STXBP2: variants seen among roughly 807,000 people sequenced by gnomAD.
The protein encoded by STXBP2 is syntaxin-binding protein 2.
Under a neutral mutation model 72.2 loss-of-function variants are expected in STXBP2, and 47 were observed. The observed-to-expected ratio is 0.65, with a 90% CI of 0.51 to 0.83. The LOEUF (loss-of-function observed/expected upper bound fraction) is 0.83, where lower values mean the gene tolerates loss of function less well. Ranked by LOEUF, STXBP2 falls within the 40% of genes least tolerant of loss-of-function variation. STXBP2 has a pLI of 0.00. For synonymous variants in STXBP2, 367 were observed against 338.7 expected, an observed-to-expected ratio of 1.08 and a Z score of -0.92; for missense variants, 702 against 807.6, an observed-to-expected ratio of 0.87 and a Z score of 1.58.
intron 1 of STXBP2, 106 bp downstream of exon 1, chr19:7,637,292 C>A: frequency 6.6e-6 from 4 of 609,726 alleles, no homozygotes; most frequent in Non-Finnish European, 8.2e-6. Context: ...AGTTGGGGGC[C>A]GGGCTGGGCG....
At chr19:7,641,900 C>A in intron 7 of STXBP2, 47 bp downstream of exon 7, 10 of 1,476,018 alleles carry the variant, frequency 6.8e-6, no homozygotes, top group South Asian at 1.1e-5. Flanking sequence ...CCCCCTTAAC[C>A]GCGTGCAACA....
chr19:7,630,405 G>A, the STXBP2 span: 1 of 618,784 alleles, frequency 1.6e-6, no homozygotes, highest in Non-Finnish European at 2.9e-6. Flanking sequence ...ATAGGAGTTA[G>A]GTTTTAGGGT....
chr19:7,631,464 C>T, the STXBP2 span: 1 of 1,534,642 alleles, frequency 6.5e-7, no homozygotes, highest in Non-Finnish European at 8.7e-7. Context: ...CCCGCTTCTC[C>T]ACCCCTAGCT....
chr19:7,639,602 G>A (rs1303803510), intron 3 of STXBP2, 129 bp from the exon 4 acceptor site: 1 of 825,778 alleles, frequency 1.2e-6, no homozygotes, highest in Non-Finnish European at 2.0e-6. Context: ...TCCCTAAGTG[G>A]GTTTCTCCTG....
intron 4 of STXBP2, 100 bp from the exon 5 acceptor site, chr19:7,640,631 G>A: frequency 6.7e-7 from 1 of 1,496,982 alleles, no homozygotes; most frequent in Non-Finnish European, 9.3e-7. Flanking sequence ...GTCCGTCCAT[G>A]TTTGCACATG....
At position 7,646,317 on chromosome 19, in the gene STXBP2, G is replaced by C; in HGVS notation, c.1425G>C (p.Trp475Cys). ...AGCCCACCTATCAGCTGTCCCGCTG[G>C]ACCCCGGTCATCAAGGATGTAATGG... ...RMEPTYQLSR[W>C]TPVIKDVMED... Residue 475 changes from tryptophan to cysteine, a missense_variant, in exon 16 of 19, where the codon TGG (tryptophan) becomes TGC (cysteine). By Grantham distance (215) the Trp-to-Cys change is radical (BLOSUM62 -2). Coordinates refer to ENST00000221283, the MANE Select transcript of STXBP2 (RefSeq NM_006949.4). 6.2e-7 allele frequency: 1 copy of C among 1,610,930 alleles called. No individual in the cohort carries two copies.
intron 14 of STXBP2, 75 bp downstream of exon 14, chr19:7,644,827 C>T: frequency 6.2e-7 from 1 of 1,606,768 alleles, no homozygotes; most frequent in Non-Finnish European, 8.5e-7. Context: ...CTGCTGAACC[C>T]CACAGCTCTC....
Position 7,642,572 on chromosome 19 carries a change from G to GC in STXBP2, c.902+39dup, listed in dbSNP as rs1251200585. 1 of 1,605,728 alleles carries GC rather than the reference G, an allele frequency of 6.2e-7. No individual in the cohort carries two copies. ...ACGGGGACCGGATCCCCCCCCCACC[G>GC]CCCACTGTGGGCCTGGTAGCGGCCT... On this transcript the variant is annotated intron_variant, in intron 10 of 18. Transcript: ENST00000221283. The surrounding 1 kb of genome is among the most constrained non-coding windows in gnomAD (Gnocchi z 6.0).
At chr19:7,635,004 T>C (rs1388941981), upstream of STXBP2, among the ~76,000 whole-genome samples, 1 of 152,248 alleles carries the variant, frequency 6.6e-6, no homozygotes, top group Admixed American at 6.5e-5. Flanking sequence ...GGGCCTACTC[T>C]ACTCCAGTGT....
Position 7,646,286 on chromosome 19 carries a change from G to A in STXBP2, c.1394G>A (p.Arg465His), listed in dbSNP as rs771732155. The change falls in exon 16 of 19, where the codon CGC becomes CAC. Residue 465 changes from arginine to histidine, a missense_variant. Transcript: ENST00000221283. ...TCCAGCCGGCTGGAGCCGAGAGAAC[G>A]CATGGAGCCCACCTATCAGCTGTCC... ...GTSSRLEPRE[R>H]MEPTYQLSRW... is the part of the protein sequence containing the mutation. 10 of 1,611,238 alleles carry A rather than the reference G, an allele frequency of 6.2e-6. No homozygotes were observed. The highest frequency in any genetic ancestry group is 1.7e-5 in the Admixed American group (1 of 59,512).
chr19:7,644,447 G>C, intron 13 of STXBP2, 167 bp from the exon 14 acceptor site: 5 of 870,604 alleles, frequency 5.7e-6, no homozygotes, highest in Non-Finnish European at 8.9e-6. Flanking sequence ...AGGGCCTGTG[G>C]AGAGACTGTC....
At position 7,647,472 on chromosome 19, in the gene STXBP2, G is replaced by A. The variant is rs1260429066; in HGVS notation, c.1657G>A (p.Val553Met). 1.9e-6 allele frequency: 3 copies of A among 1,610,926 alleles called. No individual in the cohort carries two copies. Among genetic ancestry groups the A allele is most frequent in the Non-Finnish European group, 2.5e-6 (3 of 1,178,620 alleles). Residue 553 changes from valine to methionine, a missense_variant, in exon 18 of 19, where the codon GTG becomes ATG. By Grantham distance (21) the Val-to-Met change is conservative. Coordinates refer to ENST00000221283, the MANE Select transcript of STXBP2 (RefSeq NM_006949.4). ...GTCAGAGATGAGGGCCGCCTACGAG[G>A]TGACCAGGGCCACCGAGGGCAAGTG... ...AMSEMRAAYE[V>M]TRATEGKWEV...
chr19:7,631,671 C>A, the STXBP2 span: 1 of 1,466,790 alleles, frequency 6.8e-7, no homozygotes. Flanking sequence ...CGAGTGAGAC[C>A]CAGGATGCCT....
At chr19:7,639,928 GTATGTGTGTGCATGTGTGTGCA>G (rs763078526) in intron 4 of STXBP2, 121 bp downstream of exon 4, 84 of 1,062,308 alleles carry the variant, frequency 7.9e-5, no homozygotes, top group Non-Finnish European at 1.1e-4. Context: ...GTGTCCATGT[GTATGTGTGTGCATGTGTGTGCA>G]TGTGTGTGTG....
intron 13 of STXBP2, among the ~76,000 whole-genome samples, chr19:7,644,049 T>C (rs1328314138): frequency 1.4e-5 from 2 of 147,064 alleles, no homozygotes; most frequent in African/African-American, 2.5e-5. Flanking sequence ...GGGTGGAGCC[T>C]TGGAGAGGTG....
chr19:7,630,245 TG>T, the STXBP2 span: 4 of 457,186 alleles, frequency 8.7e-6, no homozygotes, highest in Non-Finnish European at 1.6e-5. Context: ...CTCCTGGGTT[TG>T]GGGGTGCTCC....
At chr19:7,632,913 T>G, upstream of STXBP2, 1 of 1,511,120 alleles carries the variant, frequency 6.6e-7, no homozygotes, top group Non-Finnish European at 8.8e-7. The surrounding 1 kb of genome is among the most constrained non-coding windows in gnomAD (Gnocchi z 5.2). Context: ...GCTCACACCC[T>G]GACCCCGGGG....
chr19:7,632,049 T>C (rs542114636), upstream of STXBP2: 14 of 498,366 alleles, frequency 2.8e-5, no homozygotes, highest in South Asian at 5.1e-4. This position sits in a 1 kb window ranked among gnomAD's most constrained non-coding sequence, Gnocchi z 5.2. Flanking sequence ...AGTCAACAGA[T>C]GTGAGTATAC....
chr19:7,635,254 C>T (rs1331767336), upstream of STXBP2, among the ~76,000 whole-genome samples: 1 of 152,166 alleles, frequency 6.6e-6, no homozygotes, highest in East Asian at 1.9e-4. Context: ...GAAGACAAAA[C>T]CCAAACACCT....
Sources: allele counts gnomAD v4.1 joint callset (sites outside exome capture counted in the v4.1 genomes callset), GRCh38; gene constraint gnomAD v4.1.1; non-coding constraint Gnocchi (gnomAD v3.1); transcripts MANE v1.5; gene names NCBI Gene and HGNC (gene_info 2026-07-23, HGNC 2026-07-21).